Variants in NR1I3 observed in about 807,000 individuals in gnomAD.
The protein encoded by NR1I3 is nuclear receptor subfamily 1 group I member 3.
A neutral mutation model predicts 38.4 loss-of-function variants in NR1I3; 30 were observed. The ratio of observed to expected loss-of-function variants is 0.78; its 90% CI spans 0.58 to 1.06. NR1I3 has a LOEUF of 1.06. Among genes scored for constraint, NR1I3 ranks in the 50% least tolerant of loss-of-function variants. NR1I3 has a pLI of 0.00. For synonymous variants in NR1I3, 143 were observed against 165.1 expected (o/e 0.87, Z 1.03); for missense variants, 388 against 435.7 (o/e 0.89, Z 0.97).
Position 161,229,757 on chromosome 1 carries a change from G to A in NR1I3, c.*40C>T. 6.2e-7 allele frequency: 1 copy of A among 1,614,238 alleles called. No individual in the cohort carries two copies. Among genetic ancestry groups the A allele is most frequent in the Non-Finnish European group, 8.5e-7 (1 of 1,180,048 alleles). On this transcript the variant is annotated 3_prime_UTR_variant, in exon 9 of 9. Transcript: ENST00000367983. ...GCATTTTCCCACTCCAGTGTATCCA[G>A]GGTGTTCCAGGTGAGCTGGGGAAGG... is the stretch of plus-strand genomic sequence containing the variant.
intron 2 of NR1I3, 74 bp downstream of exon 2, chr1:161,236,385 C>T (rs1279396318): frequency 6.4e-7 from 1 of 1,568,760 alleles, no homozygotes; most frequent in Non-Finnish European, 8.7e-7. Context: ...GCTTGGGCAC[C>T]AGCGAGGGTG....
intron 5 of NR1I3, 37 bp downstream of exon 5, chr1:161,232,770 G>A (rs1478586014): frequency 6.2e-7 from 1 of 1,608,382 alleles, no homozygotes; most frequent in Admixed American, 1.7e-5. Flanking sequence ...ATTTACTGAA[G>A]TGTTTGCCTC....
chr1:161,236,614 G>C lies in NR1I3; in HGVS notation c.-33-16C>G. ...TCACAGACTCCTGAATGTAGGAGGGGTCAGCAGTCAGTTTTGGGCCACCCT... is the reference window on the plus strand; with the variant it reads ...TCACAGACTCCTGAATGTAGGAGGGCTCAGCAGTCAGTTTTGGGCCACCCT... On this transcript the variant is annotated splice_polypyrimidine_tract_variant and intron_variant, in intron 1 of 8. Coordinates refer to ENST00000367983, the MANE Select transcript of NR1I3 (RefSeq NM_005122.5). The C allele has an allele frequency of 6.2e-7, 1 of 1,610,098 alleles. No individual in the cohort carries two copies. The highest frequency in any genetic ancestry group is 8.5e-7 in the Non-Finnish European group (1 of 1,178,538).
Position 161,232,042 on chromosome 1 carries a change from A to G in NR1I3, c.549-568T>C, listed in dbSNP as rs1449565401. Reference sequence around the variant, plus strand: ...TTGCTCTGTCACCCAGGCTGGATGTAGTGGCCTGATCTCGGCTACAGCAAA... The same window carrying G: ...TTGCTCTGTCACCCAGGCTGGATGTGGTGGCCTGATCTCGGCTACAGCAAA... On this transcript the variant is annotated intron_variant, in intron 5 of 8. Transcript: ENST00000367983. Among the ~76,000 whole-genome samples the G allele has an allele frequency of 8.0e-5, 12 of 150,790 alleles. No individual in the cohort carries two copies. In the East Asian group the frequency reaches 1.8e-3, roughly 22 times the overall value.
chr1:161,230,138 G>GT, intron 8 of NR1I3: 2 of 567,206 alleles, frequency 3.5e-6, no homozygotes, highest in South Asian at 2.1e-5. Context: ...ACCATGCTCA[G>GT]TTTTTTCTGA....
At position 161,237,628 on chromosome 1, in the gene NR1I3, G is replaced by T. The variant is rs566481673; in HGVS notation, c.-34+413C>A. Among the ~76,000 whole-genome samples, 52 of 151,598 alleles carry T rather than the reference G, an allele frequency of 3.4e-4. No homozygotes were observed. In the East Asian group the frequency reaches 9.2e-3, roughly 27 times the overall value. On this transcript the variant is annotated intron_variant, in intron 1 of 8. Coordinates refer to ENST00000367983, the MANE Select transcript of NR1I3 (RefSeq NM_005122.5). ...AGCTATTTGGGAGGCTGAGGCAGGA[G>T]AATCGCTTCAACCTGGGAGGCAGAG...
intron 2 of NR1I3, 181 bp from the exon 3 acceptor site, chr1:161,236,158 A>G: frequency 1.4e-6 from 1 of 727,842 alleles, no homozygotes; most frequent in Non-Finnish European, 2.2e-6. Context: ...ACACAGGATC[A>G]CTCCAGAAAG....
rs148277311 is a variant in NR1I3 at position 161,235,903 on chromosome 1, C to T, written c.182G>A (p.Arg61His). The T allele has an allele frequency of 5.9e-5, 95 of 1,613,740 alleles. 1 individual carries two copies. The highest frequency in any genetic ancestry group is 2.2e-4 in the East Asian group (10 of 44,900). ...GSCEVSKTQR[R>H]HCPACRLQKC... ...CTGCAACCTGCAGGCTGGGCAGTGG[C>T]GCCTCTGAGTCTTGCTGACTTCACA... Residue 61 changes from arginine to histidine, a missense_variant, in exon 3 of 9, where the codon CGC (arginine) becomes CAC (histidine). Transcript: ENST00000367983.
At chr1:161,236,634 C>T in intron 1 of NR1I3, 36 bp from the exon 2 acceptor site, 1 of 1,597,254 alleles carries the variant, frequency 6.3e-7, no homozygotes, top group Non-Finnish European at 8.5e-7. Flanking sequence ...AGTTTTGGGC[C>T]ACCCTTGACC....
rs140542923 is a variant in NR1I3 at position 161,235,450 on chromosome 1, A to G, written c.238+397T>C. On this transcript the variant is annotated intron_variant, in intron 3 of 8. Coordinates refer to ENST00000367983, the MANE Select transcript of NR1I3 (RefSeq NM_005122.5). ...CGGCTAATTTTTTTTGTATTTTTTTAGTAGAGACGGGGTTTCACTGTGTTA... is the reference window on the plus strand; with the variant it reads ...CGGCTAATTTTTTTTGTATTTTTTTGGTAGAGACGGGGTTTCACTGTGTTA... 6.6e-3 allele frequency: 1,041 copies of G among 158,126 alleles called. 8 individuals are homozygous for G. The highest frequency in any genetic ancestry group is 0.024 in the African/African-American group (995 of 41,298). 9.8% of individuals were successfully genotyped at this position (158,126 alleles called of 1,614,324 possible). A position where few individuals can be genotyped will look rare whatever the true frequency, so the allele number is the denominator to read the frequency against.
intron 5 of NR1I3, among the ~76,000 whole-genome samples, chr1:161,232,201 G>A (rs1018257748): frequency 1.3e-5 from 2 of 151,808 alleles, no homozygotes; most frequent in Non-Finnish European, 2.9e-5. Flanking sequence ...GGCCAGGCTG[G>A]TCTCAAATTC....
rs34382092 is a variant in NR1I3, at chr1:161,236,115, A to G, written c.108-138T>C. On this transcript the variant is annotated intron_variant, in intron 2 of 8. Coordinates refer to ENST00000367983, the MANE Select transcript of NR1I3 (RefSeq NM_005122.5). ...TGCCCAAAGGTCCCCAGGGGTGGAT[A>G]GTATCCAACACATCTCAAGCATTTC... 3.1e-3 allele frequency: 2,848 copies of G among 924,700 alleles called. 69 individuals are homozygous for G. In the African/African-American group the frequency reaches 0.041, roughly 13 times the overall value. 57.3% of individuals were successfully genotyped at this position (924,700 alleles called of 1,614,324 possible).
At position 161,235,912 on chromosome 1, in the gene NR1I3, G is replaced by C; in HGVS notation, c.173C>G (p.Thr58Ser). 2.5e-6 allele frequency: 4 copies of C among 1,613,776 alleles called. No homozygotes were observed. The African/African-American group carries it at 5.3e-5, about 22-fold the overall frequency. Residue 58 changes from threonine to serine, a missense_variant, in exon 3 of 9, where the codon ACT becomes AGT. Coordinates refer to ENST00000367983, the MANE Select transcript of NR1I3 (RefSeq NM_005122.5). ...PFAGSCEVSK[T>S]QRRHCPACRL... Reference sequence around the variant, plus strand: ...GCAGGCTGGGCAGTGGCGCCTCTGAGTCTTGCTGACTTCACAGCTTCCAGC... The same window carrying C: ...GCAGGCTGGGCAGTGGCGCCTCTGACTCTTGCTGACTTCACAGCTTCCAGC...
In NR1I3 at chr1:161,238,110, C is replaced by T; in HGVS notation, c.-103G>A. 3 of 1,611,330 alleles carry T rather than the reference C, an allele frequency of 1.9e-6. No individual in the cohort carries two copies. Among genetic ancestry groups the T allele is most frequent in the Non-Finnish European group, 2.5e-6 (3 of 1,177,618 alleles). On this transcript the variant is annotated 5_prime_UTR_variant, in exon 1 of 9. Transcript: ENST00000367983. ...GTATGGAATGCCTCTCCCCAAACTC[C>T]CACGCTGTTGCTGGTTTTCCTCTGA...
intron 8 of NR1I3, 74 bp downstream of exon 8, chr1:161,230,739 C>T (rs928604153): frequency 6.3e-7 from 1 of 1,598,044 alleles, no homozygotes; most frequent in Admixed American, 1.7e-5. Flanking sequence ...AAAAAACATT[C>T]CTCCCAAGCT....
intron 1 of NR1I3, among the ~76,000 whole-genome samples, chr1:161,237,297 C>G (rs1243986848): frequency 6.6e-6 from 1 of 151,408 alleles, no homozygotes; most frequent in African/African-American, 2.4e-5. Flanking sequence ...CCTCCGCCTC[C>G]CAGATTCAAG....
rs762142599 is a variant in NR1I3, at chr1:161,232,896, A to G, written c.459T>C (p.Pro153=). The G allele has an allele frequency of 1.2e-6, 2 of 1,614,250 alleles. No individual in the cohort carries two copies. The highest frequency in any genetic ancestry group is 2.2e-5 in the East Asian group (1 of 44,886). ...IHHQPLPTLA[P]VLPLVTHFAD... is the part of the protein sequence containing the mutation. ...CGAAGTGTGTGACCAGAGGCAGCAC[A>G]GGGGCCAGGGTGGGCAAGGGCTGGT... Residue 153 remains proline, a synonymous_variant, in exon 5 of 9, where the codon CCT becomes CCC. Transcript: ENST00000367983.
intron 5 of NR1I3, among the ~76,000 whole-genome samples, chr1:161,231,969 G>A (rs1425059728): frequency 1.3e-5 from 2 of 151,214 alleles, no homozygotes; most frequent in African/African-American, 2.4e-5. Flanking sequence ...GCCGACAAGG[G>A]CACCTTATTA....
At position 161,235,901 on chromosome 1, in the gene NR1I3, G is replaced by A; in HGVS notation, c.184C>T (p.His62Tyr). 1 of 1,614,072 alleles carries A rather than the reference G, an allele frequency of 6.2e-7. No homozygotes were observed. The highest frequency in any genetic ancestry group is 1.6e-4 in the Middle Eastern group (1 of 6,062). The change falls in exon 3 of 9, where the codon CAC becomes TAC. Residue 62 changes from histidine to tyrosine, a missense_variant. Transcript: ENST00000367983. ...TTCTGCAACCTGCAGGCTGGGCAGT[G>A]GCGCCTCTGAGTCTTGCTGACTTCA... ...SCEVSKTQRR[H>Y]CPACRLQKCL...
Sources: gnomAD v4.1 joint callset for allele counts (sites outside exome capture counted in the v4.1 genomes callset) on GRCh38, gnomAD v4.1.1 for gene constraint, MANE v1.5 for transcripts, NCBI Gene and HGNC (gene_info 2026-07-23, HGNC 2026-07-21) for gene names.